SPIRE1: variants seen among roughly 807,000 people sequenced by gnomAD.
SPIRE1 encodes spire type actin nucleation factor 1, also known as protein spire homolog 1.
Under a neutral mutation model 94.1 loss-of-function variants are expected in SPIRE1, and 40 were observed. The observed-to-expected ratio is 0.43, with a 90% CI of 0.33 to 0.55. The LOEUF is 0.55. Among genes scored for constraint, SPIRE1 ranks in the 20% least tolerant of loss-of-function variants. The pLI is 0.06. For synonymous variants in SPIRE1, 376 were observed against 371.7 expected, an observed-to-expected ratio of 1.01 and a Z score of -0.13; for missense variants, 838 against 975.2, an observed-to-expected ratio of 0.86 and a Z score of 1.87.
chr18:12,531,764 G>A (rs1470991309), intron 4 of SPIRE1, among the ~76,000 whole-genome samples: 1 of 152,178 alleles, frequency 6.6e-6, no homozygotes, highest in African/African-American at 2.4e-5. Flanking sequence ...CAAAACTGGG[G>A]ACTGATGATC....
At chr18:12,539,002 T>TA (rs2034926054) in intron 3 of SPIRE1, among the ~76,000 whole-genome samples, 2 of 152,244 alleles carry the variant, frequency 1.3e-5, no homozygotes. Flanking sequence ...CTCACTAGTC[T>TA]ACATGGTTCT....
At chr18:12,461,423 T>A (rs2031794313) in intron 12 of SPIRE1, among the ~76,000 whole-genome samples, 1 of 143,700 alleles carries the variant, frequency 7.0e-6, no homozygotes, top group Admixed American at 6.8e-5. Context: ...TATGTGTGTG[T>A]GTGTGTATGT....
chr18:12,622,283 G>A (rs1320398688), intron 2 of SPIRE1, among the ~76,000 whole-genome samples: 1 of 152,128 alleles, frequency 6.6e-6, no homozygotes, highest in African/African-American at 2.4e-5. Context: ...ACACATCTGT[G>A]TAGCGTGGGA....
chr18:12,537,996 C>T (rs985302075), intron 3 of SPIRE1, among the ~76,000 whole-genome samples: 3 of 152,060 alleles, frequency 2.0e-5, no homozygotes, highest in Non-Finnish European at 4.4e-5. Flanking sequence ...AATAGAAAGA[C>T]TGATCCTAAA....
intron 4 of SPIRE1, among the ~76,000 whole-genome samples, chr18:12,528,145 C>T (rs1164878637): frequency 2.0e-5 from 3 of 151,998 alleles, no homozygotes; most frequent in Non-Finnish European, 4.4e-5. Context: ...ATGGAGGCCC[C>T]AGTGTTACCC....
At chr18:12,598,599 G>C (rs1409893744) in intron 2 of SPIRE1, among the ~76,000 whole-genome samples, 1 of 152,000 alleles carries the variant, frequency 6.6e-6, no homozygotes, top group African/African-American at 2.4e-5. Context: ...CCTTACCTTT[G>C]ATATCACTTA....
chr18:12,549,209 C>T (rs944695565), intron 2 of SPIRE1, among the ~76,000 whole-genome samples: 3 of 152,162 alleles, frequency 2.0e-5, no homozygotes, highest in Admixed American at 6.5e-5. Context: ...GAACCTAGGG[C>T]AGTCACTTTA....
chr18:12,634,443 T>TG (rs1244073182), intron 2 of SPIRE1, among the ~76,000 whole-genome samples: 1 of 151,716 alleles, frequency 6.6e-6, no homozygotes, highest in African/African-American at 2.4e-5. Context: ...CACTGAATTA[T>TG]GAAAAAAAAA....
In SPIRE1 at chr18:12,487,885, C is replaced by T. The variant is rs550253769; in HGVS notation, c.1190-1885G>A. 1.8e-4 allele frequency among the ~76,000 whole-genome samples: 27 copies of T among 152,210 alleles called. 1 individual carries two copies. In the South Asian group the frequency reaches 5.4e-3, roughly 30 times the overall value. On this transcript the variant is annotated intron_variant, in intron 8 of 16. Transcript: ENST00000409402. ...TGATGATTTTAGGTATTCATGACAG[C>T]GAGGATTATCTATTTTCACTGCAGT...
chr18:12,479,503 C>CT (rs2143758972), intron 10 of SPIRE1, among the ~76,000 whole-genome samples, 196 bp downstream of exon 10: 1 of 152,234 alleles, frequency 6.6e-6, no homozygotes, highest in Non-Finnish European at 1.5e-5. Flanking sequence ...ATTATAGCCA[C>CT]TATATTGGTC....
At chr18:12,500,198 T>C (rs1337383193) in intron 6 of SPIRE1, among the ~76,000 whole-genome samples, 3 of 152,170 alleles carry the variant, frequency 2.0e-5, no homozygotes, top group African/African-American at 4.8e-5. Context: ...ATTTAAGTGA[T>C]AGGTACGCTA....
chr18:12,447,738 T>C lies in SPIRE1; in HGVS notation c.*1900A>G, dbSNP rs1266305845. 1.3e-5 allele frequency: 2 copies of C among 152,204 alleles called. No homozygotes were observed. The highest frequency in any genetic ancestry group is 4.8e-5 in the African/African-American group (2 of 41,458). 9.4% of individuals were successfully genotyped at this position (152,204 alleles called of 1,614,324 possible). On this transcript the variant is annotated 3_prime_UTR_variant, in exon 17 of 17. Transcript: ENST00000409402. The stretch of plus-strand genomic sequence containing the variant: ...GCTTTGTGAATGTGAATGAAAGTCT[T>C]ATTTTGGGGGTGTAGTTTCTTATGT...
chr18:12,450,917 GACTATA>G, intron 16 of SPIRE1: 2 of 692,616 alleles, frequency 2.9e-6, no homozygotes, highest in Non-Finnish European at 5.2e-6. Flanking sequence ...GGATGTTTCT[GACTATA>G]AGTTGAAAGG....
At chr18:12,629,286 A>G (rs1308270622) in intron 2 of SPIRE1, among the ~76,000 whole-genome samples, 2 of 152,256 alleles carry the variant, frequency 1.3e-5, no homozygotes, top group Non-Finnish European at 2.9e-5. Flanking sequence ...ATTAAAATAC[A>G]TGGAAATTCA....
At chr18:12,477,147 C>A (rs1401875616) in intron 10 of SPIRE1, among the ~76,000 whole-genome samples, 1 of 152,068 alleles carries the variant, frequency 6.6e-6, no homozygotes, top group African/African-American at 2.4e-5. Flanking sequence ...TCTGATCATG[C>A]CTTGCTGTGT....
chr18:12,623,511 ATCTAGTCCCT>A (rs1012956730), intron 2 of SPIRE1, among the ~76,000 whole-genome samples: 5 of 152,148 alleles, frequency 3.3e-5, no homozygotes, highest in African/African-American at 1.2e-4. Context: ...CTAAATAAAA[ATCTAGTCCCT>A]TCCCACACAG....
At chr18:12,514,957 C>T (rs1457368650) in intron 4 of SPIRE1, among the ~76,000 whole-genome samples, 1 of 152,164 alleles carries the variant, frequency 6.6e-6, no homozygotes, top group Non-Finnish European at 1.5e-5. Context: ...GGAACCTTAG[C>T]GCCTGAGAAA....
rs371570393 is a variant in SPIRE1, at chr18:12,510,606, G to A, written c.807+1848C>T. On this transcript the variant is annotated intron_variant, in intron 5 of 16. Transcript: ENST00000409402. Reference sequence around the variant, plus strand: ...CGCCCAGGCTGGAGTGCAATGGTGCGATCTCGGCTCACCCCAACCTCCACC... The same window carrying A: ...CGCCCAGGCTGGAGTGCAATGGTGCAATCTCGGCTCACCCCAACCTCCACC... Among the ~76,000 whole-genome samples, 57 of 151,342 alleles carry A rather than the reference G, an allele frequency of 3.8e-4. No homozygotes were observed. In the South Asian group the frequency reaches 6.7e-3, roughly 18 times the overall value.
At chr18:12,630,390 T>C (rs920083088) in intron 2 of SPIRE1, among the ~76,000 whole-genome samples, 1 of 152,168 alleles carries the variant, frequency 6.6e-6, no homozygotes, top group African/African-American at 2.4e-5. Context: ...GCAGGCACAG[T>C]GGCTCGTGCC....
Sources: gnomAD v4.1 joint callset for allele counts (sites outside exome capture counted in the v4.1 genomes callset) on GRCh38, gnomAD v4.1.1 for gene constraint, MANE v1.5 for transcripts, NCBI Gene and HGNC (gene_info 2026-07-23, HGNC 2026-07-21) for gene names.